Variants in CLECL1 observed in about 807,000 individuals in gnomAD.
CLECL1 encodes the protein C-type lectin-like domain family 1.
intron 2 of CLECL1, among the ~76,000 whole-genome samples, chr12:9,717,078 G>A (rs1306140385): frequency 6.6e-6 from 1 of 152,152 alleles, no homozygotes; most frequent in Non-Finnish European, 1.5e-5. Flanking sequence ...TATTGTTCCT[G>A]GAAGTATTTC....
downstream of CLECL1, among the ~76,000 whole-genome samples, chr12:9,712,985 G>C (rs1866210304): frequency 6.6e-6 from 1 of 152,188 alleles, no homozygotes; most frequent in African/African-American, 2.4e-5. Flanking sequence ...GGAGAAGGAA[G>C]GACTTTATTC....
upstream of CLECL1, among the ~76,000 whole-genome samples, chr12:9,733,533 G>A (rs1008150297): frequency 6.6e-6 from 1 of 152,064 alleles, no homozygotes; most frequent in African/African-American, 2.4e-5. Flanking sequence ...CTCTCTAAAT[G>A]CATTGTATTG....
the CLECL1 span, among the ~76,000 whole-genome samples, chr12:9,706,068 T>G: frequency 7.9e-5 from 12 of 152,318 alleles, no homozygotes; most frequent in Middle Eastern, 6.8e-3. Context: ...GGTTTGTACT[T>G]CTCCTTGAGG....
chr12:9,719,937 C>CTTTTTTTTTTTTTTTT (rs1866288482), downstream of CLECL1, among the ~76,000 whole-genome samples: 1 of 152,126 alleles, frequency 6.6e-6, no homozygotes, highest in Non-Finnish European at 1.5e-5. Flanking sequence ...TTGGCACATT[C>CTTTTTTTTTTTTTTTT]TTATTTCTCT....
intron 1 of CLECL1, among the ~76,000 whole-genome samples, chr12:9,731,009 G>T (rs977289383): frequency 6.6e-6 from 1 of 152,050 alleles, no homozygotes; most frequent in Non-Finnish European, 1.5e-5. Flanking sequence ...CTAATATGAC[G>T]AACTGAAATT....
At chr12:9,718,886 G>A, downstream of CLECL1, 2 of 594,084 alleles carry the variant, frequency 3.4e-6, no homozygotes, top group Non-Finnish European at 5.9e-6. Context: ...TAGCTACCTA[G>A]TCTGTGATAC....
the CLECL1 span, among the ~76,000 whole-genome samples, chr12:9,703,594 C>T: frequency 1.3e-5 from 2 of 151,976 alleles, no homozygotes; most frequent in Non-Finnish European, 2.9e-5. Flanking sequence ...AGAGTTACAC[C>T]GTGTTGCCAA....
downstream of CLECL1, among the ~76,000 whole-genome samples, chr12:9,712,184 C>G (rs1007744127): frequency 9.2e-5 from 14 of 152,214 alleles, no homozygotes; most frequent in African/African-American, 3.4e-4. Context: ...TCATTTCTCA[C>G]CTGATTATTG....
chr12:9,703,468 C>T, the CLECL1 span, among the ~76,000 whole-genome samples: 1 of 152,020 alleles, frequency 6.6e-6, no homozygotes, highest in African/African-American at 2.4e-5. Context: ...GATCATAGCT[C>T]ACTGCAGCCT....
chr12:9,705,966 G>A, the CLECL1 span, among the ~76,000 whole-genome samples: 1 of 152,110 alleles, frequency 6.6e-6, no homozygotes, highest in African/African-American at 2.4e-5. Context: ...GCATTGGGAA[G>A]TACGGCCATT....
At chr12:9,722,600 T>G, downstream of CLECL1, 1 of 1,553,038 alleles carries the variant, frequency 6.4e-7, no homozygotes, top group Non-Finnish European at 8.7e-7. Flanking sequence ...AAAAATTCAC[T>G]GCCAGTGTGG....
At chr12:9,710,237 T>C in the CLECL1 span, among the ~76,000 whole-genome samples, 1 of 152,162 alleles carries the variant, frequency 6.6e-6, no homozygotes, top group Non-Finnish European at 1.5e-5. Context: ...TTTTCTCTCA[T>C]GCCTGGAAGC....
chr12:9,712,909 A>G (rs1474776997), downstream of CLECL1, among the ~76,000 whole-genome samples: 1 of 152,216 alleles, frequency 6.6e-6, no homozygotes, highest in Non-Finnish European at 1.5e-5. Flanking sequence ...ATTAATAACT[A>G]TATGAGAAAC....
At chr12:9,703,356 TTAAAA>T in the CLECL1 span, among the ~76,000 whole-genome samples, 5 of 150,976 alleles carry the variant, frequency 3.3e-5, no homozygotes, top group African/African-American at 1.2e-4. Context: ...ACACACACTC[TTAAAA>T]TAATTTGTGC....
At chr12:9,716,234 T>C (rs955167771) in exon 3 of CLECL1, 4 of 152,498 alleles carry the variant, frequency 2.6e-5, no homozygotes, top group Non-Finnish European at 5.9e-5. Flanking sequence ...CCTCACAACT[T>C]GCCTTTTCCA....
downstream of CLECL1, among the ~76,000 whole-genome samples, chr12:9,720,558 T>C (rs1454835049): frequency 6.6e-6 from 1 of 152,174 alleles, no homozygotes; most frequent in Admixed American, 6.5e-5. Flanking sequence ...GTCAGGCTGG[T>C]CTCGAACTCC....
intron 1 of CLECL1, among the ~76,000 whole-genome samples, chr12:9,730,244 C>G (rs1435629840): frequency 2.0e-5 from 3 of 152,122 alleles, no homozygotes. Flanking sequence ...GTGCTGCCTT[C>G]GGTATCCACA....
At chr12:9,702,306 C>T in the CLECL1 span, among the ~76,000 whole-genome samples, 3 of 152,114 alleles carry the variant, frequency 2.0e-5, no homozygotes, top group Non-Finnish European at 4.4e-5. Flanking sequence ...AACTCTTCTC[C>T]GAGGTCCCAC....
chr12:9,709,669 G>A, the CLECL1 span, among the ~76,000 whole-genome samples: 1 of 152,146 alleles, frequency 6.6e-6, no homozygotes, highest in Non-Finnish European at 1.5e-5. Flanking sequence ...TCAGGGAAGG[G>A]GACGAATATT....
Sources: allele counts gnomAD v4.1 joint callset (sites outside exome capture counted in the v4.1 genomes callset), GRCh38; gene constraint gnomAD v4.1.1; transcripts MANE v1.5; gene names NCBI Gene and HGNC (gene_info 2026-07-23, HGNC 2026-07-21).